TOMM22: variants seen among roughly 807,000 people sequenced by gnomAD.
The protein encoded by TOMM22 is translocase of outer mitochondrial membrane 22, also known as mitochondrial import receptor subunit TOM22 homolog.
A neutral mutation model predicts 17.1 loss-of-function variants in TOMM22; 3 were observed. The ratio of observed to expected loss-of-function variants is 0.18; its 90% CI spans 0.08 to 0.45. The LOEUF is 0.45. Ranked by LOEUF, TOMM22 falls within the 20% of genes least tolerant of loss-of-function variation. The pLI, the probability that TOMM22 is intolerant of heterozygous loss-of-function variation, is 0.99. For missense variants in TOMM22, 159 were observed against 179.5 expected (o/e 0.89, Z 0.65); for synonymous variants, 91 against 74.0 (o/e 1.23, Z -1.18).
rs761125353 is a variant in TOMM22, at chr22:38,682,014, A to G, written c.36A>G (p.Glu12=). ...CCGTCGCTGCTGCCGGTGCAGGGGA[A>G]CCCCAGTCCCCGGACGAATTGCTCC... The part of the protein sequence containing the change: ...AAAVAAAGAG[E]PQSPDELLPK... Residue 12 remains glutamate (E), a synonymous_variant, in exon 1 of 4, where the codon GAA becomes GAG. Transcript: ENST00000216034. 3.7e-6 allele frequency: 6 copies of G among 1,611,560 alleles called. No individual in the cohort carries two copies. In the African/African-American group the frequency reaches 6.7e-5, roughly 18 times the overall value.
Position 38,683,915 on chromosome 22 carries a change from ATTTTT to A in TOMM22, c.*85_*89del. The A allele has an allele frequency of 2.8e-6, 3 of 1,075,626 alleles. No homozygotes were observed. Among genetic ancestry groups the A allele is most frequent in the Non-Finnish European group, 2.7e-6 (2 of 742,768 alleles). 66.6% of individuals were successfully genotyped at this position (1,075,626 alleles called of 1,614,324 possible). A position where few individuals can be genotyped will look rare whatever the true frequency, so the allele number is the denominator to read the frequency against. On this transcript the variant is annotated 3_prime_UTR_variant, in exon 4 of 4. Coordinates refer to ENST00000216034, the MANE Select transcript of TOMM22 (RefSeq NM_020243.5). ...AGTGTTTGAACTGCTGATAATTTGG[ATTTTT>A]TTTTTTTTTTAACTTTGGCACATTG...
rs2092490375 is a variant in TOMM22 at position 38,684,578 on chromosome 22, T to TG, written c.*737_*738insG. ...ACCTAAACCAGCAGCACCTCCATCT[T>TG]AACAGCCATAGGCCCAAATTGTTTC... On this transcript the variant is annotated 3_prime_UTR_variant, in exon 4 of 4. Transcript: ENST00000216034. 6.6e-6 allele frequency: 1 copy of TG among 152,176 alleles called. No individual in the cohort carries two copies. Among genetic ancestry groups the TG allele is most frequent in the African/African-American group, 2.4e-5 (1 of 41,412 alleles). 9.4% of individuals were successfully genotyped at this position (152,176 alleles called of 1,614,324 possible). A position where few individuals can be genotyped will look rare whatever the true frequency, so the allele number is the denominator to read the frequency against.
chr22:38,683,069 C>T, intron 3 of TOMM22, 73 bp downstream of exon 3: 1 of 1,029,670 alleles, frequency 9.7e-7, no homozygotes, highest in African/African-American at 2.1e-5. Flanking sequence ...GGTCCCCAAC[C>T]TTTTTGGCAC....
At chr22:38,682,591 A>T (rs2092482370) in intron 2 of TOMM22, 150 bp downstream of exon 2, 1 of 728,230 alleles carries the variant, frequency 1.4e-6, no homozygotes, top group Admixed American at 2.5e-5. Flanking sequence ...TAAAATGGGG[A>T]TTCTTACCTG....
chr22:38,682,494 T>A, intron 2 of TOMM22, 53 bp downstream of exon 2: 1 of 1,527,866 alleles, frequency 6.5e-7, no homozygotes, highest in South Asian at 1.1e-5. Flanking sequence ...GTCGTGGTGC[T>A]GTGAAAGAAC....
intron 1 of TOMM22, 77 bp from the exon 2 acceptor site, chr22:38,682,246 G>T: frequency 6.5e-7 from 1 of 1,538,972 alleles, no homozygotes; most frequent in Non-Finnish European, 8.9e-7. Flanking sequence ...AGTGGGGCTC[G>T]GCGGCTCCCA....
intron 3 of TOMM22, among the ~76,000 whole-genome samples, 159 bp downstream of exon 3, chr22:38,683,155 C>CGGGGGGG (rs2092485175): frequency 7.1e-6 from 1 of 140,370 alleles, no homozygotes; most frequent in African/African-American, 2.9e-5. Flanking sequence ...GGGGGGGGTT[C>CGGGGGGG]TGGATGATTC....
chr22:38,682,166 G>C, intron 1 of TOMM22, 71 bp downstream of exon 1: 1 of 1,522,476 alleles, frequency 6.6e-7, no homozygotes, highest in Non-Finnish European at 8.9e-7. Context: ...CGTGGTACGG[G>C]ATCGGAGCGA....
intron 1 of TOMM22, 99 bp downstream of exon 1, chr22:38,682,194 G>A (rs2092480579): frequency 4.7e-6 from 7 of 1,492,552 alleles, no homozygotes; most frequent in Non-Finnish European, 5.5e-6. Context: ...GCTTTGGGAG[G>A]CGGGGTTAGG....
chr22:38,683,869 G>A lies in TOMM22; in HGVS notation c.*28G>A, dbSNP rs748931631. ...TGTTATTGCTGTTTGAGCTGTCTCA[G>A]TGGGATAAGTTTGAAATTCAAGTGT... On this transcript the variant is annotated 3_prime_UTR_variant, in exon 4 of 4. Coordinates refer to ENST00000216034, the MANE Select transcript of TOMM22 (RefSeq NM_020243.5). 13 of 1,597,782 alleles carry A rather than the reference G, an allele frequency of 8.1e-6. No homozygotes were observed. Among genetic ancestry groups the A allele is most frequent in the Non-Finnish European group, 1.0e-5 (12 of 1,167,922 alleles).
chr22:38,683,678 A>C, intron 3 of TOMM22, 89 bp from the exon 4 acceptor site: 1 of 953,580 alleles, frequency 1.0e-6, no homozygotes, highest in East Asian at 2.4e-5. Flanking sequence ...TTTCAGTATT[A>C]TTTTTGTAGA....
In TOMM22 at chr22:38,683,796, A is replaced by G. The variant is rs752654992; in HGVS notation, c.384A>G (p.Ser128=). Residue 128 remains serine (S), a synonymous_variant, in exon 4 of 4, where the codon TCA becomes TCG. Coordinates refer to ENST00000216034, the MANE Select transcript of TOMM22 (RefSeq NM_020243.5). The part of the protein sequence containing the change: ...QILLGPNTGL[S]GGMPGALPSL... ...TTCTAGGACCTAACACAGGGCTCTCAGGAGGAATGCCAGGGGCTCTACCCT... is the reference window on the plus strand; with the variant it reads ...TTCTAGGACCTAACACAGGGCTCTCGGGAGGAATGCCAGGGGCTCTACCCT... 3.1e-6 allele frequency: 5 copies of G among 1,613,938 alleles called. No homozygotes were observed. Among genetic ancestry groups the G allele is most frequent in the Non-Finnish European group, 4.2e-6 (5 of 1,179,980 alleles).
At position 38,683,930 on chromosome 22, in the gene TOMM22, T is replaced by A. The variant is rs2145796606; in HGVS notation, c.*89T>A. On this transcript the variant is annotated 3_prime_UTR_variant, in exon 4 of 4. Transcript: ENST00000216034. ...GATAATTTGGATTTTTTTTTTTTTT[T>A]AACTTTGGCACATTGATCTATCTAA... The A allele has an allele frequency of 7.1e-6, 8 of 1,119,064 alleles. No homozygotes were observed. Among genetic ancestry groups the A allele is most frequent in the East Asian group, 4.9e-5 (2 of 41,052 alleles). 69.3% of individuals were successfully genotyped at this position (1,119,064 alleles called of 1,614,324 possible).
In TOMM22 at chr22:38,682,044, A is replaced by G; in HGVS notation, c.66A>G (p.Lys22=). 7 of 1,605,950 alleles carry G rather than the reference A, an allele frequency of 4.4e-6. No homozygotes were observed. Among genetic ancestry groups the G allele is most frequent in the East Asian group, 2.2e-5 (1 of 44,532 alleles). ...EPQSPDELLP[K]GDAEKPEEEL... ...AGTCCCCGGACGAATTGCTCCCGAA[A>G]GGCGACGCGGAGAAGCCTGAGGAGG... Residue 22 remains lysine, a synonymous_variant, in exon 1 of 4, where the codon AAA becomes AAG. Transcript: ENST00000216034.
intron 1 of TOMM22, 28 bp from the exon 2 acceptor site, chr22:38,682,295 G>C (rs1479611372): frequency 6.2e-7 from 1 of 1,607,544 alleles, no homozygotes; most frequent in Non-Finnish European, 8.5e-7. Context: ...CGCTTTTTCG[G>C]CTAAGACCCG....
At chr22:38,683,703 G>A (rs1170076035) in intron 3 of TOMM22, 64 bp from the exon 4 acceptor site, 11 of 1,307,120 alleles carry the variant, frequency 8.4e-6, no homozygotes, top group Admixed American at 7.2e-5. Flanking sequence ...GGCCCCATCA[G>A]GTATGGTGAG....
Position 38,683,759 on chromosome 22 carries a change from T to C in TOMM22, c.355-8T>C. The C allele has an allele frequency of 8.1e-6, 13 of 1,613,322 alleles. No homozygotes were observed. Among genetic ancestry groups the C allele is most frequent in the Non-Finnish European group, 1.1e-5 (13 of 1,179,328 alleles). On this transcript the variant is annotated splice_polypyrimidine_tract_variant and splice_region_variant and intron_variant, in intron 3 of 3. Coordinates refer to ENST00000216034, the MANE Select transcript of TOMM22 (RefSeq NM_020243.5). Reference sequence around the variant, plus strand: ...ATGATGCCTTACACCCCTCCTTTTCTTTTCCAGATACTTCTAGGACCTAAC... The same window carrying C: ...ATGATGCCTTACACCCCTCCTTTTCCTTTCCAGATACTTCTAGGACCTAAC...
Position 38,684,961 on chromosome 22 carries a change from T to C in TOMM22, c.*1120T>C, listed in dbSNP as rs921206210. 1.3e-5 allele frequency: 2 copies of C among 152,074 alleles called. No homozygotes were observed. The highest frequency in any genetic ancestry group is 4.8e-5 in the African/African-American group (2 of 41,382). The allele number at this position is 152,074 out of a possible 1,614,324, so 9.4% of individuals were successfully genotyped here. A position where few individuals can be genotyped will look rare whatever the true frequency, so the allele number is the denominator to read the frequency against. ...GTGCCCAGCTAGTTTCTTTTATTTTTGGTAGAGTCAGGGTTTCGCCTTGTT... is the reference window on the plus strand; with the variant it reads ...GTGCCCAGCTAGTTTCTTTTATTTTCGGTAGAGTCAGGGTTTCGCCTTGTT... On this transcript the variant is annotated 3_prime_UTR_variant, in exon 4 of 4. Transcript: ENST00000216034.
chr22:38,682,365 A>T lies in TOMM22; in HGVS notation c.160A>T (p.Met54Leu), dbSNP rs1190279001. 1.2e-6 allele frequency: 2 copies of T among 1,614,102 alleles called. No individual in the cohort carries two copies. The highest frequency in any genetic ancestry group is 8.5e-7 in the Non-Finnish European group (1 of 1,180,008). The change falls in exon 2 of 4, where the codon ATG (methionine) becomes TTG (leucine). Residue 54 changes from methionine to leucine, a missense_variant. By Grantham distance (15) the Met-to-Leu change is conservative (BLOSUM62 2). Coordinates refer to ENST00000216034, the MANE Select transcript of TOMM22 (RefSeq NM_020243.5). ...LSERLWGLTE[M>L]FPERVRSAAG... ...GGAGAGACTATGGGGCCTGACGGAG[A>T]TGTTTCCGGAGAGGGTCCGGTCCGC...
Sources: gnomAD v4.1 joint callset for allele counts (sites outside exome capture counted in the v4.1 genomes callset) on GRCh38, gnomAD v4.1.1 for gene constraint, MANE v1.5 for transcripts, NCBI Gene and HGNC (gene_info 2026-07-23, HGNC 2026-07-21) for gene names.